LAMC2: variants seen among roughly 807,000 people sequenced by gnomAD.
The protein encoded by LAMC2 is laminin subunit gamma-2.
A neutral mutation model predicts 140.2 loss-of-function variants in LAMC2; 97 were observed. That is an observed-to-expected ratio of 0.69 (90% CI 0.59 to 0.82). The LOEUF (loss-of-function observed/expected upper bound fraction) is 0.82. Ranked by LOEUF, LAMC2 falls within the 40% of genes least tolerant of loss-of-function variation. LAMC2 has a pLI of 0.00. For synonymous variants in LAMC2, 513 were observed against 540.2 expected, an observed-to-expected ratio of 0.95 and a Z score of 0.70; for missense variants, 1,402 against 1,476.1, an observed-to-expected ratio of 0.95 and a Z score of 0.82.
chr1:183,228,381 C>T lies in LAMC2; in HGVS notation c.1476C>T (p.Arg492=), dbSNP rs759170663. ...TCATTTGTTCCTTCCCAGGTGCCCG[C>T]TGTGAGCTCTGTGCTGATGGCTACT... is the stretch of plus-strand genomic sequence containing the variant. ...NNCPPGVTGA[R]CELCADGYFG... is the part of the protein sequence containing the mutation. Residue 492 remains arginine, a synonymous_variant, in exon 11 of 23, where the codon CGC becomes CGT. Coordinates refer to ENST00000264144, the MANE Select transcript of LAMC2 (RefSeq NM_005562.3). This position sits in a 1 kb window ranked among gnomAD's most constrained non-coding sequence, Gnocchi z 4.3. 5 of 1,614,156 alleles carry T rather than the reference C, an allele frequency of 3.1e-6. No homozygotes were observed. The highest frequency in any genetic ancestry group is 2.5e-6 in the Non-Finnish European group (3 of 1,180,032).
At chr1:183,235,329 C>A (rs1659920081) in intron 15 of LAMC2, among the ~76,000 whole-genome samples, 1 of 152,210 alleles carries the variant, frequency 6.6e-6, no homozygotes, top group African/African-American at 2.4e-5. Flanking sequence ...CTCCACCCCG[C>A]TCCGGGACTC....
At position 183,226,693 on chromosome 1, in the gene LAMC2, T is replaced by C. The variant is rs770389916; in HGVS notation, c.1067-5T>C. On this transcript the variant is annotated splice_polypyrimidine_tract_variant and splice_region_variant and intron_variant, in intron 8 of 22. Coordinates refer to ENST00000264144, the MANE Select transcript of LAMC2 (RefSeq NM_005562.3). ...GCAACTTCTAACCTGTTCTCTCGAT[T>C]GCAGGTACTGGGTACATTGACAATG... 19 of 1,612,040 alleles carry C rather than the reference T, an allele frequency of 1.2e-5. No individual in the cohort carries two copies. The highest frequency in any genetic ancestry group is 1.6e-5 in the Non-Finnish European group (19 of 1,178,028).
chr1:183,239,738 T>A, intron 20 of LAMC2, 175 bp downstream of exon 20: 1 of 658,310 alleles, frequency 1.5e-6, no homozygotes, highest in Non-Finnish European at 2.6e-6. Context: ...GAGAATGATG[T>A]GTTTTTTTGT....
At chr1:183,219,738 T>C (rs1245674561) in intron 4 of LAMC2, among the ~76,000 whole-genome samples, 2 of 152,228 alleles carry the variant, frequency 1.3e-5, no homozygotes, top group Non-Finnish European at 2.9e-5. Flanking sequence ...ACAAAGCTTG[T>C]TTAGTTACAA....
intron 9 of LAMC2, among the ~76,000 whole-genome samples, 156 bp downstream of exon 9, chr1:183,227,072 A>C (rs1659649154): frequency 6.6e-6 from 1 of 152,114 alleles, no homozygotes; most frequent in South Asian, 2.1e-4. Context: ...GCCTTATTAC[A>C]CTCAATCCTC....
chr1:183,217,838 G>T (rs1368359808), intron 3 of LAMC2, among the ~76,000 whole-genome samples: 2 of 152,162 alleles, frequency 1.3e-5, no homozygotes, highest in Admixed American at 1.3e-4. Context: ...TAATATTGAC[G>T]GTGATGGCTG....
chr1:183,195,793 G>GGA (rs1658493602), intron 1 of LAMC2, among the ~76,000 whole-genome samples: 3 of 151,890 alleles, frequency 2.0e-5, no homozygotes, highest in Non-Finnish European at 2.9e-5. Context: ...AAACAATGAA[G>GGA]TTCAAGGCCA....
At chr1:183,219,219 C>A (rs1188419263) in intron 4 of LAMC2, among the ~76,000 whole-genome samples, 11 of 152,228 alleles carry the variant, frequency 7.2e-5, no homozygotes, top group Admixed American at 7.2e-4. Flanking sequence ...AGTTCTTTGG[C>A]ACCCTGCCAG....
chr1:183,237,197 C>A (rs1283711643), intron 17 of LAMC2, among the ~76,000 whole-genome samples, 155 bp from the exon 18 acceptor site: 1 of 152,204 alleles, frequency 6.6e-6, no homozygotes, highest in South Asian at 2.1e-4. Context: ...CATACTGACT[C>A]ATTTTTGTTA....
Position 183,235,647 on chromosome 1 carries a change from A to C in LAMC2, c.2373A>C (p.Ser791=), listed in dbSNP as rs1571538220. ...AGGACTATTCCAAACAAGCCCTCTC[A>C]CTGGTGCGCAAGGCCCTGCATGAAG... is the stretch of plus-strand genomic sequence containing the variant. The part of the protein sequence containing the change: ...ETEDYSKQAL[S]LVRKALHEGV... Residue 791 remains serine (S), a synonymous_variant, in exon 16 of 23, where the codon TCA becomes TCC. Transcript: ENST00000264144. 5 of 1,614,252 alleles carry C rather than the reference A, an allele frequency of 3.1e-6. No individual in the cohort carries two copies. Among genetic ancestry groups the C allele is most frequent in the Non-Finnish European group, 4.2e-6 (5 of 1,180,040 alleles).
At chr1:183,208,123 G>T in intron 2 of LAMC2, 54 bp downstream of exon 2, 3 of 1,468,406 alleles carry the variant, frequency 2.0e-6, no homozygotes, top group South Asian at 1.1e-5. Context: ...GGGGAGACAA[G>T]AGGGAAGGAA....
intron 1 of LAMC2, among the ~76,000 whole-genome samples, chr1:183,193,941 G>T (rs1447339399): frequency 6.6e-6 from 1 of 151,246 alleles, no homozygotes; most frequent in African/African-American, 2.4e-5. Flanking sequence ...AGGCAATACA[G>T]TGTTTTTGTT....
At chr1:183,246,387 G>A (rs504895), downstream of LAMC2, among the ~76,000 whole-genome samples, 3 of 152,088 alleles carry the variant, frequency 2.0e-5, no homozygotes, top group Non-Finnish European at 4.4e-5. Flanking sequence ...TTAACCTGAC[G>A]CTGCCAAGAT....
the LAMC2 span, chr1:183,252,443 T>C: frequency 2.1e-5 from 7 of 333,236 alleles, no homozygotes; most frequent in East Asian, 1.7e-4. Context: ...ACCCGGAGAC[T>C]AGAGGAAAGT....
In LAMC2 at chr1:183,228,572, G is replaced by C. The variant is rs367831359; in HGVS notation, c.1667G>C (p.Gly556Ala). Residue 556 changes from glycine (G) to alanine (A), a missense_variant, in exon 11 of 23, where the codon GGC (glycine) becomes GCC (alanine). Gly to Ala is a moderately conservative substitution (Grantham distance 60, BLOSUM62 0). Coordinates refer to ENST00000264144, the MANE Select transcript of LAMC2 (RefSeq NM_005562.3). This position sits in a 1 kb window ranked among gnomAD's most constrained non-coding sequence, Gnocchi z 4.3. The stretch of plus-strand genomic sequence containing the variant: ...ATCTACTGCGACCAGTGCAAAGCAG[G>C]CTACTTCGGGGACCCATTGGCTCCC... ...AGIYCDQCKA[G>A]YFGDPLAPNP... 3 of 1,613,938 alleles carry C rather than the reference G, an allele frequency of 1.9e-6. No individual in the cohort carries two copies. In the African/African-American group the frequency reaches 4.0e-5, roughly 22 times the overall value.
intron 9 of LAMC2, 129 bp downstream of exon 9, chr1:183,227,045 G>A (rs1659647747): frequency 1.4e-6 from 1 of 738,970 alleles, no homozygotes; most frequent in South Asian, 1.7e-5. Context: ...GCTGGAGTCA[G>A]GGAAGATGGA....
At chr1:183,254,135 C>T in the LAMC2 span, among the ~76,000 whole-genome samples, 1 of 152,002 alleles carries the variant, frequency 6.6e-6, no homozygotes, top group Non-Finnish European at 1.5e-5. Flanking sequence ...ATGACAGTTC[C>T]GTTTTTAATC....
At chr1:183,214,909 A>G (rs1008106176) in intron 2 of LAMC2, among the ~76,000 whole-genome samples, 1 of 152,156 alleles carries the variant, frequency 6.6e-6, no homozygotes, top group African/African-American at 2.4e-5. Context: ...TCCCCTAAGT[A>G]AGGCACACAG....
At chr1:183,256,341 G>A in the LAMC2 span, among the ~76,000 whole-genome samples, 20 of 152,134 alleles carry the variant, frequency 1.3e-4, no homozygotes, top group Middle Eastern at 3.4e-3. Context: ...CCCAGGAGGC[G>A]GAGGTTGCAG....
Sources: gnomAD v4.1 joint callset for allele counts (sites outside exome capture counted in the v4.1 genomes callset) on GRCh38, gnomAD v4.1.1 for gene constraint, Gnocchi (gnomAD v3.1) non-coding constraint, MANE v1.5 for transcripts, NCBI Gene and HGNC (gene_info 2026-07-23, HGNC 2026-07-21) for gene names.